AGBL1: variants seen among roughly 807,000 people sequenced by gnomAD.
AGBL1 encodes the protein AGBL carboxypeptidase 1, also known as cytosolic carboxypeptidase 4.
AGBL1 carries 130 observed loss-of-function variants against 118.9 expected under a neutral mutation model. The ratio of observed to expected loss-of-function variants is 1.09; its 90% CI spans 0.95 to 1.26. The LOEUF is 1.26. AGBL1 is among the 50% of genes most tolerant of loss of function. AGBL1 has a pLI of 0.00. For synonymous variants in AGBL1, 555 were observed against 478.9 expected, an observed-to-expected ratio of 1.16 and a Z score of -2.08; for missense variants, 1,584 against 1,298.1, an observed-to-expected ratio of 1.22 and a Z score of -3.38.
intron 23 of AGBL1, among the ~76,000 whole-genome samples, chr15:86,972,243 T>C (rs148820146): frequency 9.8e-4 from 149 of 152,138 alleles, no homozygotes; most frequent in African/African-American, 3.4e-3. Context: ...AACTCTGTCA[T>C]AGATTATTGA....
intron 5 of AGBL1, among the ~76,000 whole-genome samples, chr15:86,202,910 C>T (rs2077930383): frequency 6.6e-6 from 1 of 152,034 alleles, no homozygotes; most frequent in Admixed American, 6.6e-5. Flanking sequence ...GGCAATTGCA[C>T]AAATTACTAT....
Position 86,415,502 on chromosome 15 carries a change from TTAAAG to T in AGBL1, c.2555+17961_2555+17965del, listed in dbSNP as rs1269445755. 2.6e-5 allele frequency among the ~76,000 whole-genome samples: 4 copies of T among 152,266 alleles called. No individual in the cohort carries two copies. The South Asian group carries it at 8.3e-4, about 32-fold the overall frequency. On this transcript the variant is annotated intron_variant, in intron 18 of 22. Transcript: ENST00000614907. ...ATACTTAATAGTGTTCTTATACATG[TTAAAG>T]TAAACAACACTTATAAGAACAGTTA...
chr15:86,112,295 T>C (rs16948411), intron 1 of AGBL1, among the ~76,000 whole-genome samples: 226 of 152,232 alleles, frequency 1.5e-3, no homozygotes, highest in African/African-American at 5.3e-3. Flanking sequence ...CTGATAACGA[T>C]GTATGGGCGT....
chr15:86,468,683 T>G (rs1434108053), intron 18 of AGBL1, among the ~76,000 whole-genome samples: 6 of 152,226 alleles, frequency 3.9e-5, no homozygotes, highest in Non-Finnish European at 1.5e-5. Context: ...AAAATTGTGT[T>G]GTTCATGTTC....
At chr15:86,857,037 A>G (rs1055390282) in intron 22 of AGBL1, among the ~76,000 whole-genome samples, 15 of 152,122 alleles carry the variant, frequency 9.9e-5, no homozygotes, top group African/African-American at 3.6e-4. Flanking sequence ...TTAGCTGCAC[A>G]ATCCAGAAAC....
At chr15:86,903,374 T>A (rs375620375) in intron 22 of AGBL1, among the ~76,000 whole-genome samples, 391 of 152,296 alleles carry the variant, frequency 2.6e-3, no homozygotes, top group Non-Finnish European at 4.8e-3. Context: ...TCCCTACCTT[T>A]TTTTCTGGGA....
intron 20 of AGBL1, among the ~76,000 whole-genome samples, chr15:86,549,147 T>C (rs1235780277): frequency 1.3e-5 from 2 of 152,046 alleles, no homozygotes; most frequent in Non-Finnish European, 2.9e-5. Context: ...CATTTCATCA[T>C]GAGATTTTGG....
chr15:86,810,590 G>T (rs1051849706), intron 22 of AGBL1, among the ~76,000 whole-genome samples: 21 of 152,126 alleles, frequency 1.4e-4, no homozygotes, highest in Admixed American at 4.6e-4. Flanking sequence ...ATGACCTAAA[G>T]TTGTCTCAGT....
intron 18 of AGBL1, among the ~76,000 whole-genome samples, chr15:86,487,023 GCTCCTT>G (rs1369164947): frequency 6.6e-6 from 1 of 151,962 alleles, no homozygotes; most frequent in Non-Finnish European, 1.5e-5. Context: ...GGTGCCGCAC[GCTCCTT>G]GCTATAAAAC....
chr15:86,786,321 G>C (rs1316849333), intron 22 of AGBL1, among the ~76,000 whole-genome samples: 1 of 151,754 alleles, frequency 6.6e-6, no homozygotes, highest in East Asian at 1.9e-4. Context: ...ACTAACACTT[G>C]TGTCAAAGCC....
chr15:86,262,847 C>A lies in AGBL1; in HGVS notation c.1039C>A (p.Leu347Met), dbSNP rs1372729566. ...TGGTCTTGACCGACCTGAAGAGGAA[C>A]TGATGCAATATGAGGTGATGTGTCT... ...KPGLDRPEEE[L>M]MQYEVMCLEL... is the part of the protein sequence containing the mutation. Residue 347 changes from leucine (L) to methionine (M), a missense_variant, in exon 10 of 23, where the codon CTG (leucine) becomes ATG (methionine). By Grantham distance (15) the Leu-to-Met change is conservative. Coordinates refer to ENST00000614907, the MANE Select transcript of AGBL1 (RefSeq NM_001386094.1). 3 of 1,611,116 alleles carry A rather than the reference C, an allele frequency of 1.9e-6. No individual in the cohort carries two copies. In the Admixed American group the frequency reaches 5.0e-5, roughly 27 times the overall value.
intron 22 of AGBL1, among the ~76,000 whole-genome samples, chr15:86,816,641 C>T (rs2078861678): frequency 6.6e-6 from 1 of 152,022 alleles, no homozygotes; most frequent in Admixed American, 6.6e-5. Flanking sequence ...GGGGAAAAAT[C>T]TGGAGAGATT....
At chr15:86,701,645 C>T (rs1298383703) in intron 22 of AGBL1, among the ~76,000 whole-genome samples, 1 of 148,402 alleles carries the variant, frequency 6.7e-6, no homozygotes, top group East Asian at 2.0e-4. Context: ...CTCTCCTCCC[C>T]TCCCCTCCCC....
intron 17 of AGBL1, among the ~76,000 whole-genome samples, chr15:86,317,446 T>G (rs955493660): frequency 5.3e-5 from 8 of 152,066 alleles, no homozygotes; most frequent in Non-Finnish European, 1.0e-4. Flanking sequence ...ACTGGAGAAA[T>G]TAGGAGTGAA....
chr15:86,589,046 G>A (rs1336258346), intron 21 of AGBL1, among the ~76,000 whole-genome samples: 1 of 151,882 alleles, frequency 6.6e-6, no homozygotes, highest in Non-Finnish European at 1.5e-5. Flanking sequence ...TACACTGTGT[G>A]CATGGACACA....
rs145673776 is a variant in AGBL1, at chr15:86,869,358, TCTC to T, written c.3159-37722_3159-37720del. Among the ~76,000 whole-genome samples, 171 of 152,226 alleles carry T rather than the reference TCTC, an allele frequency of 1.1e-3. 2 individuals carry two copies. The East Asian group carries it at 0.03, about 26-fold the overall frequency. On this transcript the variant is annotated intron_variant, in intron 22 of 22. Transcript: ENST00000614907. ...ACCACAGAGAATCCAGCTGCAGGTC[TCTC>T]CTCCTCTCTGCCTCAGAGCCGCTCA... is the stretch of plus-strand genomic sequence containing the variant.
chr15:86,894,698 T>C (rs755980647), intron 22 of AGBL1, among the ~76,000 whole-genome samples: 6 of 152,138 alleles, frequency 3.9e-5, no homozygotes, highest in Non-Finnish European at 7.3e-5. Flanking sequence ...GTGAAACCAG[T>C]AGGAGGCCAC....
chr15:86,418,409 G>A (rs1392267415), intron 18 of AGBL1, among the ~76,000 whole-genome samples: 1 of 152,166 alleles, frequency 6.6e-6, no homozygotes, highest in East Asian at 1.9e-4. Context: ...ACCTGTCAAA[G>A]TGTGAAACAA....
intron 18 of AGBL1, among the ~76,000 whole-genome samples, chr15:86,483,680 A>G (rs2082680186): frequency 6.6e-6 from 1 of 152,130 alleles, no homozygotes; most frequent in South Asian, 2.1e-4. Context: ...GTCTATTGTC[A>G]TTGCCTGAGA....
Sources: gnomAD v4.1 joint callset for allele counts (sites outside exome capture counted in the v4.1 genomes callset) on GRCh38, gnomAD v4.1.1 for gene constraint, MANE v1.5 for transcripts, NCBI Gene and HGNC (gene_info 2026-07-23, HGNC 2026-07-21) for gene names.